AGBL3: variants seen among roughly 807,000 people sequenced by gnomAD.
The protein encoded by AGBL3 is cytosolic carboxypeptidase 3.
Under a neutral mutation model 94.5 loss-of-function variants are expected in AGBL3, and 68 were observed. The observed-to-expected ratio is 0.72, with a 90% CI of 0.59 to 0.88. The LOEUF (loss-of-function observed/expected upper bound fraction) is 0.88. AGBL3 is among the 40% of genes least tolerant of loss of function. The probability of loss-of-function intolerance (pLI) is 0.00; values close to 1 mark genes in which losing one functional copy is unlikely to be tolerated. For synonymous variants in AGBL3, 354 were observed against 370.7 expected, an observed-to-expected ratio of 0.95 and a Z score of 0.52; for missense variants, 934 against 1,103.8, an observed-to-expected ratio of 0.85 and a Z score of 2.18.
rs145505421 is a variant in AGBL3 at position 135,066,037 on chromosome 7, T to C, written c.1908+6802T>C. Among the ~76,000 whole-genome samples, 91 of 152,150 alleles carry C rather than the reference T, an allele frequency of 6.0e-4. 1 individual carries two copies. The East Asian group carries it at 0.017, about 28-fold the overall frequency. On this transcript the variant is annotated intron_variant, in intron 12 of 16. Transcript: ENST00000436302. ...AACCATAAAACTCCTAGAAGAAACA[T>C]AGGGGAAAGCACCATGACATTGATC... is the stretch of plus-strand genomic sequence containing the variant.
intron 15 of AGBL3, among the ~76,000 whole-genome samples, chr7:135,084,475 C>T (rs1563248965): frequency 6.6e-6 from 1 of 152,074 alleles, no homozygotes; most frequent in Non-Finnish European, 1.5e-5. Context: ...TGTTAAGCAA[C>T]CTTTGACTAT....
chr7:135,125,960 C>T (rs752750566), intron 16 of AGBL3, among the ~76,000 whole-genome samples: 6 of 152,106 alleles, frequency 3.9e-5, no homozygotes, highest in Non-Finnish European at 8.8e-5. Context: ...AAAAGCTGGA[C>T]ACATTCCCTT....
At chr7:135,002,607 A>T (rs1028024572) in intron 4 of AGBL3, among the ~76,000 whole-genome samples, 1 of 152,218 alleles carries the variant, frequency 6.6e-6, no homozygotes. Flanking sequence ...AACTCTGAAC[A>T]GGCAGAATAT....
intron 16 of AGBL3, chr7:135,128,921 C>T: frequency 6.6e-7 from 1 of 1,517,150 alleles, no homozygotes. Context: ...GTAATTTGTT[C>T]CTGTGCAATA....
intron 11 of AGBL3, among the ~76,000 whole-genome samples, chr7:135,055,095 G>A (rs1370526078): frequency 2.6e-5 from 4 of 152,234 alleles, no homozygotes; most frequent in Admixed American, 1.3e-4. Flanking sequence ...TTGTGGGAAC[G>A]AATCCATCAC....
chr7:135,083,850 A>T (rs1821114439), intron 15 of AGBL3, among the ~76,000 whole-genome samples: 1 of 152,194 alleles, frequency 6.6e-6, no homozygotes, highest in Admixed American at 6.5e-5. Context: ...AGTTTATGTA[A>T]ATCTCAGCTT....
intron 4 of AGBL3, chr7:135,010,827 T>G (rs563305671): frequency 6.6e-6 from 1 of 152,290 alleles, no homozygotes; most frequent in South Asian, 2.1e-4. Context: ...TTAAAAGACC[T>G]AAGTAAATAG....
Position 135,101,938 on chromosome 7 carries a change from C to T in AGBL3, c.2111-13442C>T, listed in dbSNP as rs546196348. ...GATAGTAAATAAGTCTCACGAGATCCGTTGGTTTTATAAGGGGTTTCCGCT... is the reference window on the plus strand; with the variant it reads ...GATAGTAAATAAGTCTCACGAGATCTGTTGGTTTTATAAGGGGTTTCCGCT... On this transcript the variant is annotated intron_variant, in intron 15 of 16. Transcript: ENST00000436302. Among the ~76,000 whole-genome samples, 9 of 152,254 alleles carry T rather than the reference C, an allele frequency of 5.9e-5. No homozygotes were observed. The South Asian group carries it at 1.2e-3, about 21-fold the overall frequency.
rs144276797 is a variant in AGBL3, at chr7:135,095,112, C to T, written c.2110+13322C>T. The stretch of plus-strand genomic sequence containing the variant: ...ACAAGGTGAACAGTCTTTACCAGAA[C>T]CTTATCCTATTTTCGGGGAGGGATA... On this transcript the variant is annotated intron_variant, in intron 15 of 16. Coordinates refer to ENST00000436302, the MANE Select transcript of AGBL3 (RefSeq NM_178563.4). Among the ~76,000 whole-genome samples the T allele has an allele frequency of 2.1e-3, 318 of 152,282 alleles. 1 individual carries two copies. Among genetic ancestry groups the T allele is most frequent in the African/African-American group, 7.0e-3 (290 of 41,558 alleles).
intron 16 of AGBL3, among the ~76,000 whole-genome samples, chr7:135,130,360 G>A (rs928362657): frequency 1.3e-5 from 2 of 152,088 alleles, no homozygotes; most frequent in Non-Finnish European, 2.9e-5. Context: ...TGGTGTATAT[G>A]CTCCACTGGT....
In AGBL3 at chr7:135,037,437, G is replaced by GTTA; in HGVS notation, c.1360_1362dup (p.Ile454dup). 1 of 1,542,650 alleles carries GTTA rather than the reference G, an allele frequency of 6.5e-7. No homozygotes were observed. The highest frequency in any genetic ancestry group is 8.7e-7 in the Non-Finnish European group (1 of 1,143,606). On this transcript the variant is annotated inframe_insertion, in exon 8 of 17. Coordinates refer to ENST00000436302, the MANE Select transcript of AGBL3 (RefSeq NM_178563.4). ...TGGCAGACTGATGGAGAAACGAGAGGTTATTTTATACTGTGATCTTCATGG... is the reference window on the plus strand; with the variant it reads ...TGGCAGACTGATGGAGAAACGAGAGGTTATTATTTTATACTGTGATCTTCATGG...
chr7:135,076,320 G>A (rs1196190734), intron 12 of AGBL3, 77 bp from the exon 13 acceptor site: 21 of 1,158,258 alleles, frequency 1.8e-5, no homozygotes, highest in East Asian at 2.6e-5. Flanking sequence ...TGGGAATCTC[G>A]AAACAATTTC....
At chr7:135,011,558 A>G (rs1156793670) in intron 4 of AGBL3, 1 of 152,214 alleles carries the variant, frequency 6.6e-6, no homozygotes, top group Non-Finnish European at 1.5e-5. Context: ...TCTGAAAGTA[A>G]TAAGAAAAGA....
intron 11 of AGBL3, among the ~76,000 whole-genome samples, chr7:135,049,134 G>A (rs1817648729): frequency 6.6e-6 from 1 of 151,738 alleles, no homozygotes. Flanking sequence ...AGTTTGTTGA[G>A]GAAAGGATGT....
chr7:135,051,551 A>T (rs1345643383), intron 11 of AGBL3, among the ~76,000 whole-genome samples: 1 of 152,028 alleles, frequency 6.6e-6, no homozygotes, highest in African/African-American at 2.4e-5. Context: ...GTAAAAAGGG[A>T]TATTTAGATA....
intron 4 of AGBL3, among the ~76,000 whole-genome samples, chr7:135,000,327 A>G (rs1178110468): frequency 6.6e-6 from 1 of 152,300 alleles, no homozygotes; most frequent in Middle Eastern, 3.4e-3. Flanking sequence ...TAGCATTTGA[A>G]TTGGTAGATT....
rs1299552060 is a variant in AGBL3 at position 135,017,432 on chromosome 7, AATTTTG to A, written c.418+275_418+280del. On this transcript the variant is annotated intron_variant, in intron 5 of 16. Coordinates refer to ENST00000436302, the MANE Select transcript of AGBL3 (RefSeq NM_178563.4). ...TTTAGAATGAATTTTGCTTCATATC[AATTTTG>A]AAAGATAAACCCAGTGAAATGCTTT... Among the ~76,000 whole-genome samples the A allele has an allele frequency of 2.0e-5, 3 of 152,354 alleles. No homozygotes were observed. In the South Asian group the frequency reaches 6.2e-4, roughly 32 times the overall value.
intron 12 of AGBL3, among the ~76,000 whole-genome samples, chr7:135,071,472 G>T (rs1455779081): frequency 2.0e-5 from 3 of 152,080 alleles, no homozygotes; most frequent in African/African-American, 7.2e-5. Context: ...TAAGCCAAAA[G>T]AACAAAGCTG....
At chr7:135,020,220 A>AAAAC (rs200933867) in intron 5 of AGBL3, among the ~76,000 whole-genome samples, 140,958 of 151,510 alleles carry the variant, frequency 0.93, 66,358 homozygotes, top group Non-Finnish European at 1. Flanking sequence ...TTACAAGAAA[A>AAAAC]AAACAACCCC....
Sources: gnomAD v4.1 joint callset for allele counts (sites outside exome capture counted in the v4.1 genomes callset) on GRCh38, gnomAD v4.1.1 for gene constraint, MANE v1.5 for transcripts, NCBI Gene and HGNC (gene_info 2026-07-23, HGNC 2026-07-21) for gene names.